Variants in GAS2 observed in about 807,000 individuals in gnomAD.
GAS2 encodes growth arrest specific 2, also known as growth arrest-specific protein 2.
GAS2 carries 20 observed loss-of-function variants against 37.5 expected under a neutral mutation model. The observed-to-expected ratio is 0.53, with a 90% CI of 0.37 to 0.77. The LOEUF is 0.77. GAS2 is among the 30% of genes least tolerant of loss of function. GAS2 has a pLI of 0.00. For synonymous variants in GAS2, 144 were observed against 132.2 expected, an observed-to-expected ratio of 1.09 and a Z score of -0.61; for missense variants, 336 against 373.4, an observed-to-expected ratio of 0.90 and a Z score of 0.82.
rs755784400 is a variant in GAS2 at position 22,685,763 on chromosome 11, A to C, written c.241A>C (p.Ser81Arg). The C allele has an allele frequency of 6.2e-7, 1 of 1,613,718 alleles. No individual in the cohort carries two copies. The highest frequency in any genetic ancestry group is 8.5e-7 in the Non-Finnish European group (1 of 1,179,856). The change falls in exon 3 of 8, where the codon AGC becomes CGC. Residue 81 changes from serine (S) to arginine (R), a missense_variant. Ser to Arg is a moderately radical substitution (Grantham distance 110, BLOSUM62 -1). Transcript: ENST00000454584. Reference protein sequence around the residue: ...AETMQEKFKESMDANKPTKNL... With the variant: ...AETMQEKFKERMDANKPTKNL... ...AACTATGCAGGAGAAATTCAAGGAG[A>C]GCATGGATGCTAACAAGCCCACAAA...
intron 7 of GAS2, among the ~76,000 whole-genome samples, chr11:22,773,796 C>G (rs1160882064): frequency 6.6e-6 from 1 of 152,090 alleles, no homozygotes; most frequent in African/African-American, 2.4e-5. Context: ...TCAACATGAT[C>G]TCCTTCCTGA....
At chr11:22,728,160 A>T (rs889297941) in intron 4 of GAS2, among the ~76,000 whole-genome samples, 56 of 152,156 alleles carry the variant, frequency 3.7e-4, no homozygotes, top group African/African-American at 1.3e-3. Flanking sequence ...GGTTAATAAA[A>T]GCTATGAATG....
At chr11:22,700,523 G>T (rs1349524551) in intron 3 of GAS2, among the ~76,000 whole-genome samples, 1 of 152,178 alleles carries the variant, frequency 6.6e-6, no homozygotes, top group Admixed American at 6.6e-5. Flanking sequence ...ACTGACAAGA[G>T]ATTGGCTGAA....
chr11:22,799,481 T>C (rs1270334406), intron 7 of GAS2, among the ~76,000 whole-genome samples: 2 of 152,038 alleles, frequency 1.3e-5, no homozygotes, highest in Non-Finnish European at 2.9e-5. Context: ...GCTTCCCTTT[T>C]CCCCATTTCT....
intron 1 of GAS2, among the ~76,000 whole-genome samples, chr11:22,655,151 G>C (rs1276997238): frequency 6.6e-6 from 1 of 152,040 alleles, no homozygotes; most frequent in Non-Finnish European, 1.5e-5. Context: ...TACATTTTCA[G>C]GCCTCTGGGC....
intron 4 of GAS2, among the ~76,000 whole-genome samples, chr11:22,733,512 A>T (rs1852590338): frequency 6.6e-6 from 1 of 151,748 alleles, no homozygotes; most frequent in Non-Finnish European, 1.5e-5. Context: ...GTTAAAACTT[A>T]ATATATTTAA....
chr11:22,699,120 G>A (rs146899412), intron 3 of GAS2, among the ~76,000 whole-genome samples: 51 of 152,026 alleles, frequency 3.4e-4, no homozygotes, highest in Middle Eastern at 3.4e-3. Context: ...TTCCATTATC[G>A]GTCTCAACAC....
chr11:22,640,263 G>A (rs1380950522), intron 1 of GAS2, among the ~76,000 whole-genome samples: 2 of 152,142 alleles, frequency 1.3e-5, no homozygotes, highest in South Asian at 2.1e-4. Context: ...CAGAAAGACC[G>A]TAACATGTAA....
chr11:22,730,784 A>T (rs1852433406), intron 4 of GAS2, among the ~76,000 whole-genome samples: 1 of 151,748 alleles, frequency 6.6e-6, no homozygotes, highest in Non-Finnish European at 1.5e-5. Flanking sequence ...ATAGCTATAG[A>T]AGGCTCTAGG....
intron 3 of GAS2, among the ~76,000 whole-genome samples, chr11:22,715,365 G>A (rs1361283894): frequency 6.8e-6 from 1 of 146,756 alleles, no homozygotes; most frequent in African/African-American, 2.5e-5. Context: ...GAAGGCCGAG[G>A]CAGGAGAATC....
intron 3 of GAS2, among the ~76,000 whole-genome samples, chr11:22,717,118 A>G (rs1168471951): frequency 7.4e-6 from 1 of 135,912 alleles, no homozygotes; most frequent in South Asian, 2.7e-4. Flanking sequence ...AAATACAATC[A>G]TCATTCTTCA....
At chr11:22,628,725 C>T (rs371018539) in intron 1 of GAS2, among the ~76,000 whole-genome samples, 2 of 152,018 alleles carry the variant, frequency 1.3e-5, no homozygotes, top group East Asian at 3.9e-4. Flanking sequence ...TTTTAGTTCA[C>T]CCTCTAACTG....
chr11:22,780,678 A>T (rs1564885677), intron 7 of GAS2, among the ~76,000 whole-genome samples: 1 of 151,560 alleles, frequency 6.6e-6, no homozygotes, highest in Non-Finnish European at 1.5e-5. Flanking sequence ...GAGTGGTTTG[A>T]TGACTCTGCT....
intron 2 of GAS2, among the ~76,000 whole-genome samples, chr11:22,682,344 T>A (rs1849720459): frequency 6.6e-6 from 1 of 152,128 alleles, no homozygotes; most frequent in Admixed American, 6.6e-5. Flanking sequence ...ATTGTAACTA[T>A]CTTATAACTT....
intron 7 of GAS2, among the ~76,000 whole-genome samples, chr11:22,778,902 T>C (rs1855402822): frequency 6.6e-6 from 1 of 152,142 alleles, no homozygotes; most frequent in African/African-American, 2.4e-5. Context: ...GGGGGATATA[T>C]TTATTTATTT....
chr11:22,699,321 C>A (rs1443717411), intron 3 of GAS2, among the ~76,000 whole-genome samples: 9 of 152,126 alleles, frequency 5.9e-5, no homozygotes. Flanking sequence ...GGGACCCAAA[C>A]TCTTTACTAT....
chr11:22,733,760 T>G (rs1468290962), intron 4 of GAS2, among the ~76,000 whole-genome samples: 1 of 151,754 alleles, frequency 6.6e-6, no homozygotes, highest in African/African-American at 2.4e-5. Context: ...TGTTTTACAT[T>G]ATGCTTTTCT....
At chr11:22,741,144 T>C (rs1472102508) in intron 5 of GAS2, among the ~76,000 whole-genome samples, 1 of 152,210 alleles carries the variant, frequency 6.6e-6, no homozygotes, top group Non-Finnish European at 1.5e-5. Context: ...AGCTGTGGGC[T>C]TCTCTGAGTT....
intron 2 of GAS2, among the ~76,000 whole-genome samples, chr11:22,677,136 T>G (rs1306582860): frequency 6.6e-6 from 1 of 152,164 alleles, no homozygotes; most frequent in East Asian, 1.9e-4. Flanking sequence ...CTATTACTTG[T>G]TATAAACACT....
Sources: gnomAD v4.1 joint callset for allele counts (sites outside exome capture counted in the v4.1 genomes callset) on GRCh38, gnomAD v4.1.1 for gene constraint, MANE v1.5 for transcripts, NCBI Gene and HGNC (gene_info 2026-07-23, HGNC 2026-07-21) for gene names.